The following SSR1 variants were observed in gnomAD, a reference collection of about 807,000 sequenced individuals.
The protein encoded by SSR1 is translocon-associated protein subunit alpha.
Under a neutral mutation model 36.1 loss-of-function variants are expected in SSR1, and 13 were observed. The observed-to-expected ratio is 0.36, with a 90% CI of 0.23 to 0.57. The LOEUF is 0.57. SSR1 is among the 20% of genes least tolerant of loss of function. The pLI, the probability that SSR1 is intolerant of heterozygous loss-of-function variation, is 0.81. For synonymous variants in SSR1, 113 were observed against 118.9 expected, an observed-to-expected ratio of 0.95 and a Z score of 0.32; for missense variants, 291 against 338.5, an observed-to-expected ratio of 0.86 and a Z score of 1.10.
chr6:7,298,957 T>C (rs1757864299), intron 4 of SSR1, 134 bp from the exon 5 acceptor site: 2 of 655,842 alleles, frequency 3.0e-6, no homozygotes, highest in African/African-American at 1.8e-5. Context: ...AACAAATTCA[T>C]ATGTAACTGC....
At chr6:7,303,695 A>T in intron 2 of SSR1, 58 bp from the exon 3 acceptor site, 1 of 1,394,096 alleles carries the variant, frequency 7.2e-7, no homozygotes, top group Non-Finnish European at 1.0e-6. Flanking sequence ...ATCATTATTT[A>T]AAAATAAAGA....
At chr6:7,298,929 C>T in intron 4 of SSR1, 106 bp from the exon 5 acceptor site, 2 of 844,580 alleles carry the variant, frequency 2.4e-6, no homozygotes, top group South Asian at 3.2e-5. Context: ...TATAGCCTTC[C>T]CATCACTTAG....
chr6:7,308,498 TAGAA>T (rs889384214), intron 2 of SSR1, among the ~76,000 whole-genome samples: 2 of 151,720 alleles, frequency 1.3e-5, no homozygotes, highest in African/African-American at 2.4e-5. Context: ...GACACGAAAA[TAGAA>T]AGAAAAAAAG....
At chr6:7,300,122 G>GT (rs1232490364) in intron 4 of SSR1, among the ~76,000 whole-genome samples, 11 of 152,192 alleles carry the variant, frequency 7.2e-5, no homozygotes, top group African/African-American at 2.6e-4. Context: ...AGTAATAACT[G>GT]TAAGTTATTA....
At chr6:7,303,899 A>C (rs1292835626) in intron 2 of SSR1, among the ~76,000 whole-genome samples, 1 of 152,204 alleles carries the variant, frequency 6.6e-6, no homozygotes, top group Non-Finnish European at 1.5e-5. Flanking sequence ...AGGCAGGAGA[A>C]TCGCTTGAAT....
rs570351859 is a variant in SSR1, at chr6:7,289,054, A to G, written c.*810T>C. The stretch of plus-strand genomic sequence containing the variant: ...AAATTCTCTCTCAAAACAAAACAAA[A>G]AAACCTACACACAACTGAGTGAGTA... On this transcript the variant is annotated 3_prime_UTR_variant, in exon 8 of 8. Transcript: ENST00000244763. The G allele has an allele frequency of 6.6e-6, 1 of 152,296 alleles. No individual in the cohort carries two copies. The highest frequency in any genetic ancestry group is 1.9e-4 in the East Asian group (1 of 5,182). The allele number at this position is 152,296 out of a possible 1,614,324, so 9.4% of individuals were successfully genotyped here.
intron 2 of SSR1, among the ~76,000 whole-genome samples, chr6:7,307,907 G>A (rs1020468057): frequency 3.3e-5 from 5 of 152,118 alleles, no homozygotes; most frequent in African/African-American, 9.7e-5. Flanking sequence ...TGGTAACAAC[G>A]ATATAATTCA....
intron 2 of SSR1, 125 bp from the exon 3 acceptor site, chr6:7,303,762 G>C: frequency 1.6e-6 from 1 of 636,002 alleles, no homozygotes; most frequent in East Asian, 2.9e-5. Context: ...GAGGCAGGCA[G>C]ATCACCTGAA....
At chr6:7,307,408 G>C (rs1758094401) in intron 2 of SSR1, among the ~76,000 whole-genome samples, 3 of 152,228 alleles carry the variant, frequency 2.0e-5, no homozygotes, top group Non-Finnish European at 4.4e-5. Flanking sequence ...GTAGAAAGTG[G>C]ATAATCAGAG....
Position 7,313,148 on chromosome 6 carries a change from C to A in SSR1, c.-28G>T. 2 of 1,587,388 alleles carry A rather than the reference C, an allele frequency of 1.3e-6. No individual in the cohort carries two copies. The highest frequency in any genetic ancestry group is 2.4e-5 in the East Asian group (1 of 42,538). On this transcript the variant is annotated 5_prime_UTR_variant, in exon 1 of 8. Transcript: ENST00000244763. Reference sequence around the variant, plus strand: ...CGCTGCCGGTCCAGTGTCCAGTTTCCGTCGGCTAAGGCTCTCGGCGGCTCC... The same window carrying A: ...CGCTGCCGGTCCAGTGTCCAGTTTCAGTCGGCTAAGGCTCTCGGCGGCTCC...
chr6:7,295,534 A>T, intron 6 of SSR1, 49 bp from the exon 7 acceptor site: 1 of 1,327,498 alleles, frequency 7.5e-7, no homozygotes, highest in Non-Finnish European at 1.0e-6. Context: ...TACACCATTT[A>T]CTTAATATTT....
rs1199473262 is a variant in SSR1, at chr6:7,286,891, GAC to G, written c.*2971_*2972del. The G allele has an allele frequency of 8.5e-6, 1 of 117,458 alleles. No homozygotes were observed. The highest frequency in any genetic ancestry group is 1.6e-5 in the Non-Finnish European group (1 of 62,152). The allele number at this position is 117,458 out of a possible 1,614,324, so 7.3% of individuals were successfully genotyped here. A position where few individuals can be genotyped will look rare whatever the true frequency, so the allele number is the denominator to read the frequency against. ...CGCACCACTGCACTCCAGCCTGGGT[GAC>G]ACAGAGACTCCGTCTCAGGGGGCAA... On this transcript the variant is annotated 3_prime_UTR_variant, in exon 8 of 8. Coordinates refer to ENST00000244763, the MANE Select transcript of SSR1 (RefSeq NM_003144.5).
chr6:7,310,098 G>A, intron 1 of SSR1, 69 bp from the exon 2 acceptor site: 1 of 1,332,794 alleles, frequency 7.5e-7, no homozygotes, highest in Non-Finnish European at 1.1e-6. Context: ...TTTAACATCA[G>A]GTATAGGCAA....
chr6:7,312,142 A>G (rs1388247894), intron 1 of SSR1, among the ~76,000 whole-genome samples: 3 of 152,252 alleles, frequency 2.0e-5, no homozygotes, highest in Non-Finnish European at 4.4e-5. Flanking sequence ...TAATTATTTC[A>G]CTTTACAAAT....
At position 7,301,581 on chromosome 6, in the gene SSR1, CAAAAT is replaced by C. The variant is rs755955369; in HGVS notation, c.281-14_281-10del. 6.3e-7 allele frequency: 1 copy of C among 1,596,516 alleles called. No homozygotes were observed. The highest frequency in any genetic ancestry group is 8.5e-7 in the Non-Finnish European group (1 of 1,175,148). On this transcript the variant is annotated splice_polypyrimidine_tract_variant and intron_variant, in intron 3 of 7. Transcript: ENST00000244763. ...GTTATTTGCTGGAAAATCTGAGAAACAAAATAGAGACAAAAAAATTAGAACACATG... is the reference window on the plus strand; with the variant it reads ...GTTATTTGCTGGAAAATCTGAGAAACAGAGACAAAAAAATTAGAACACATG...
chr6:7,311,128 A>G (rs990819588), intron 1 of SSR1, among the ~76,000 whole-genome samples: 1 of 152,222 alleles, frequency 6.6e-6, no homozygotes, highest in African/African-American at 2.4e-5. Flanking sequence ...GATAGCAAAG[A>G]AAGAATCCAA....
chr6:7,306,952 T>TAAAAAAA (rs77938603), intron 2 of SSR1, among the ~76,000 whole-genome samples: 2 of 132,578 alleles, frequency 1.5e-5, no homozygotes, highest in Non-Finnish European at 3.1e-5. Flanking sequence ...CAAGGTGACT[T>TAAAAAAA]AAAAAAAAAA....
intron 7 of SSR1, among the ~76,000 whole-genome samples, chr6:7,290,882 A>C (rs1757665659): frequency 6.6e-6 from 1 of 152,052 alleles, no homozygotes; most frequent in African/African-American, 2.4e-5. Context: ...GAAAATGAGT[A>C]AATGTTTATC....
rs527407539 is a variant in SSR1, at chr6:7,302,191, A to G, written c.281-619T>C. On this transcript the variant is annotated intron_variant, in intron 3 of 7. Transcript: ENST00000244763. ...AAACAGAAAATGTAAGAAGACCAAG[A>G]AAATTCATAACTTTCAATATTAAGT... Among the ~76,000 whole-genome samples the G allele has an allele frequency of 9.2e-5, 14 of 152,354 alleles. 1 individual carries two copies. The highest frequency in any genetic ancestry group is 2.6e-4 in the African/African-American group (11 of 41,590).
Sources: allele counts gnomAD v4.1 joint callset (sites outside exome capture counted in the v4.1 genomes callset), GRCh38; gene constraint gnomAD v4.1.1; transcripts MANE v1.5; gene names NCBI Gene and HGNC (gene_info 2026-07-23, HGNC 2026-07-21).